Variants in SCMH1 observed in about 807,000 individuals in gnomAD.
SCMH1 encodes polycomb protein SCMH1.
SCMH1 carries 37 observed loss-of-function variants against 70.8 expected under a neutral mutation model. The ratio of observed to expected loss-of-function variants is 0.52; its 90% CI spans 0.40 to 0.69. The LOEUF is 0.69. Ranked by LOEUF, SCMH1 falls within the 30% of genes least tolerant of loss-of-function variation. SCMH1 has a pLI of 0.00. For missense variants in SCMH1, 607 were observed against 827.3 expected, an observed-to-expected ratio of 0.73 and a Z score of 3.27; for synonymous variants, 292 against 307.4, an observed-to-expected ratio of 0.95 and a Z score of 0.52.
chr1:41,152,066 C>T (rs2148337462), intron 4 of SCMH1, among the ~76,000 whole-genome samples: 1 of 152,250 alleles, frequency 6.6e-6, no homozygotes, highest in Admixed American at 6.5e-5. Context: ...TTGGAAAGGT[C>T]CCTCACCGCT....
rs574538582 is a variant in SCMH1 at position 41,055,599 on chromosome 1, T to C, written c.1106-6709A>G. On this transcript the variant is annotated intron_variant, in intron 10 of 14. Transcript: ENST00000337495. Reference sequence around the variant, plus strand: ...CGCCTGCCTTGGCCTCCCAAAGTGCTGCGATTACAGGCGTGAGCCACCGCG... The same window carrying C: ...CGCCTGCCTTGGCCTCCCAAAGTGCCGCGATTACAGGCGTGAGCCACCGCG... Among the ~76,000 whole-genome samples the C allele has an allele frequency of 1.2e-4, 19 of 152,378 alleles. No homozygotes were observed. The East Asian group carries it at 3.3e-3, about 26-fold the overall frequency.
chr1:41,152,787 C>T, intron 4 of SCMH1: 1 of 1,517,954 alleles, frequency 6.6e-7, no homozygotes. Flanking sequence ...TAAATCACTC[C>T]AAAGATGATG....
chr1:41,216,832 T>G (rs1161693934), intron 1 of SCMH1, among the ~76,000 whole-genome samples: 1 of 152,170 alleles, frequency 6.6e-6, no homozygotes, highest in African/African-American at 2.4e-5. Context: ...AACAAAGTAC[T>G]CTAAACTGAG....
chr1:41,179,349 C>T (rs1294764677), intron 2 of SCMH1, among the ~76,000 whole-genome samples: 1 of 152,054 alleles, frequency 6.6e-6, no homozygotes, highest in Non-Finnish European at 1.5e-5. Flanking sequence ...TAGCAGAAGG[C>T]AAGAAATAAC....
At chr1:41,230,281 G>A (rs1661055552) in intron 1 of SCMH1, among the ~76,000 whole-genome samples, 1 of 152,116 alleles carries the variant, frequency 6.6e-6, no homozygotes, top group Non-Finnish European at 1.5e-5. Context: ...AATGAAGGAA[G>A]TGGTGAGGGA....
rs550184503 is a variant in SCMH1, at chr1:41,079,850, T to A, written c.746-4399A>T. Among the ~76,000 whole-genome samples the A allele has an allele frequency of 4.6e-5, 7 of 151,888 alleles. No homozygotes were observed. In the East Asian group the frequency reaches 1.4e-3, roughly 29 times the overall value. On this transcript the variant is annotated intron_variant, in intron 8 of 14. Coordinates refer to ENST00000337495, the Ensembl canonical transcript of SCMH1. The stretch of plus-strand genomic sequence containing the variant: ...TATCTCTTATCTCTAATGCTCTAAA[T>A]TTTTTTTGTATTTTCTCACTGTACT...
intron 2 of SCMH1, among the ~76,000 whole-genome samples, chr1:41,169,773 G>C (rs981222680): frequency 1.3e-5 from 2 of 152,154 alleles, no homozygotes; most frequent in African/African-American, 4.8e-5. Flanking sequence ...CTTCTCCTGG[G>C]GAATAAAGTC....
intron 6 of SCMH1, among the ~76,000 whole-genome samples, chr1:41,135,082 A>G (rs1643050346): frequency 6.6e-6 from 1 of 152,140 alleles, no homozygotes; most frequent in Non-Finnish European, 1.5e-5. Context: ...TTAAATCCTA[A>G]TTCCTTTTAT....
At chr1:41,167,967 G>A (rs1467522473) in intron 2 of SCMH1, among the ~76,000 whole-genome samples, 1 of 125,888 alleles carries the variant, frequency 7.9e-6, no homozygotes, top group African/African-American at 3.0e-5. Context: ...ACTCTCTTCT[G>A]ATCTGTAAGG....
At chr1:41,102,690 G>T (rs1375060609) in intron 8 of SCMH1, among the ~76,000 whole-genome samples, 2 of 152,140 alleles carry the variant, frequency 1.3e-5, no homozygotes, top group Admixed American at 6.5e-5. Context: ...GAAACTAAAA[G>T]GTGCAACTGA....
At position 41,170,562 on chromosome 1, in the gene SCMH1, T is replaced by A. The variant is rs565027226; in HGVS notation, c.14-9130A>T. ...ATTGCTGACCCTACTATCAAGTACC[T>A]CCTTTCTAATAGGTCATTTGCCACC... is the stretch of plus-strand genomic sequence containing the variant. On this transcript the variant is annotated intron_variant, in intron 2 of 14. Transcript: ENST00000337495. 3.6e-4 allele frequency among the ~76,000 whole-genome samples: 55 copies of A among 152,302 alleles called. No individual in the cohort carries two copies. The Middle Eastern group carries it at 0.01, about 28-fold the overall frequency.
chr1:41,111,987 C>T (rs1249574621), intron 8 of SCMH1, among the ~76,000 whole-genome samples: 7 of 151,998 alleles, frequency 4.6e-5, no homozygotes, highest in Non-Finnish European at 7.4e-5. Flanking sequence ...TAAATACATG[C>T]CATTTATCTT....
intron 6 of SCMH1, among the ~76,000 whole-genome samples, chr1:41,125,242 G>T (rs893297385): frequency 1.3e-5 from 2 of 151,864 alleles, no homozygotes; most frequent in African/African-American, 2.4e-5. Flanking sequence ...TTTAGACAGG[G>T]TTTTGCTTTG....
chr1:41,225,659 A>G lies in SCMH1; in HGVS notation c.-118+16400T>C, dbSNP rs145467531. On this transcript the variant is annotated intron_variant, in intron 1 of 14. Coordinates refer to ENST00000337495, the Ensembl canonical transcript of SCMH1. Reference sequence around the variant, plus strand: ...GAACTTGGAGAATGCATCGTATCCCAGAGAGGAAAGTTTAGTTAATTCTAA... The same window carrying G: ...GAACTTGGAGAATGCATCGTATCCCGGAGAGGAAAGTTTAGTTAATTCTAA... 6.1e-4 allele frequency among the ~76,000 whole-genome samples: 93 copies of G among 152,362 alleles called. 1 individual carries two copies. Among genetic ancestry groups the G allele is most frequent in the Admixed American group, 1.6e-3 (24 of 15,304 alleles).
At chr1:41,068,635 G>T (rs900595494) in intron 10 of SCMH1, among the ~76,000 whole-genome samples, 5 of 152,028 alleles carry the variant, frequency 3.3e-5, no homozygotes, top group African/African-American at 1.2e-4. Context: ...TGAATTCCTG[G>T]CCTCAAGTAA....
chr1:41,190,736 A>G (rs1162187734), intron 1 of SCMH1, among the ~76,000 whole-genome samples: 2 of 152,158 alleles, frequency 1.3e-5, no homozygotes, highest in East Asian at 1.9e-4. Flanking sequence ...GAAGCCTTAC[A>G]GAAGTGTGAT....
chr1:41,210,333 T>A (rs928990694), intron 1 of SCMH1, among the ~76,000 whole-genome samples: 1 of 152,228 alleles, frequency 6.6e-6, no homozygotes, highest in African/African-American at 2.4e-5. Flanking sequence ...CCAATGACTT[T>A]CTTTGCAAAA....
intron 4 of SCMH1, among the ~76,000 whole-genome samples, chr1:41,160,228 G>A (rs1459814030): frequency 2.6e-5 from 4 of 152,238 alleles, no homozygotes; most frequent in African/African-American, 7.2e-5. Flanking sequence ...ATTGATACAG[G>A]TATCTGGATA....
At chr1:41,229,673 G>A (rs1482987041) in intron 1 of SCMH1, among the ~76,000 whole-genome samples, 1 of 151,878 alleles carries the variant, frequency 6.6e-6, no homozygotes, top group Non-Finnish European at 1.5e-5. Context: ...AAACCAACAT[G>A]GCACATGTAT....
Sources: allele counts gnomAD v4.1 joint callset (sites outside exome capture counted in the v4.1 genomes callset), GRCh38; gene constraint gnomAD v4.1.1; transcripts MANE v1.5; gene names NCBI Gene and HGNC (gene_info 2026-07-23, HGNC 2026-07-21).